EIF2A: variants seen among roughly 807,000 people sequenced by gnomAD.
The protein encoded by EIF2A is 65 kDa eukaryotic translation initiation factor 2A.
EIF2A carries 62 observed loss-of-function variants against 75.2 expected under a neutral mutation model. That is an observed-to-expected ratio of 0.82 (90% CI 0.67 to 1.02). The LOEUF is 1.02. Among genes scored for constraint, EIF2A ranks in the 50% least tolerant of loss-of-function variants. EIF2A has a pLI of 0.00. For missense variants in EIF2A, 611 were observed against 677.7 expected, an observed-to-expected ratio of 0.90 and a Z score of 1.09; for synonymous variants, 207 against 239.0, an observed-to-expected ratio of 0.87 and a Z score of 1.23.
chr3:150,552,135 C>T (rs62269100), intron 1 of EIF2A, among the ~76,000 whole-genome samples: 16,910 of 152,030 alleles, frequency 0.11, 1,221 homozygotes, highest in Non-Finnish European at 0.16. Context: ...GACAAAGTTT[C>T]GAGTTTTATT....
intron 1 of EIF2A, among the ~76,000 whole-genome samples, chr3:150,547,410 G>T (rs1249979367): frequency 6.6e-6 from 1 of 152,188 alleles, no homozygotes; most frequent in African/African-American, 2.4e-5. Flanking sequence ...ATTTTGAAAT[G>T]GTTATGAGCA....
chr3:150,549,785 C>T (rs1327624792), intron 1 of EIF2A, among the ~76,000 whole-genome samples: 4 of 152,300 alleles, frequency 2.6e-5, no homozygotes, highest in African/African-American at 9.6e-5. Flanking sequence ...AGAAGAGGAG[C>T]TGGTTGCTAG....
rs1281143368 is a variant in EIF2A at position 150,575,767 on chromosome 3, T to C, written c.1497+5T>C. The stretch of plus-strand genomic sequence containing the variant: ...GCTAAGAAAGCTGCAAAGCAGGTAT[T>C]TGGGGCACTAATCTCATAACAAAAC... On this transcript the variant is annotated splice_donor_5th_base_variant and intron_variant, in intron 11 of 13. Coordinates refer to ENST00000460851, the MANE Select transcript of EIF2A (RefSeq NM_032025.5). 2 of 1,604,402 alleles carry C rather than the reference T, an allele frequency of 1.2e-6. No individual in the cohort carries two copies. Among genetic ancestry groups the C allele is most frequent in the African/African-American group, 1.3e-5 (1 of 74,414 alleles).
intron 1 of EIF2A, among the ~76,000 whole-genome samples, chr3:150,549,316 G>T (rs6787881): frequency 0.81 from 122,200 of 151,470 alleles, 50,120 homozygotes; most frequent in East Asian, 0.91. Context: ...CCTCCCAAGT[G>T]CAAGCAATTC....
In EIF2A at chr3:150,562,657, A is replaced by G. The variant is rs758374760; in HGVS notation, c.289A>G (p.Thr97Ala). The part of the protein sequence containing the change: ...NTVLATWQPY[T>A]TSKDGTAGIP... ...TGTCCTGGCAACGTGGCAGCCTTAC[A>G]CTAGTAAGTATTTTCTCAGTGTAAA... The change falls in exon 4 of 14, where the codon ACT becomes GCT. Residue 97 changes from threonine (T) to alanine (A), a missense_variant. Transcript: ENST00000460851. 6.2e-7 allele frequency: 1 copy of G among 1,609,684 alleles called. No individual in the cohort carries two copies. Among genetic ancestry groups the G allele is most frequent in the Non-Finnish European group, 8.5e-7 (1 of 1,176,942 alleles).
chr3:150,549,123 A>ATT (rs11438548), intron 1 of EIF2A, among the ~76,000 whole-genome samples: 35 of 149,594 alleles, frequency 2.3e-4, no homozygotes, highest in Non-Finnish European at 1.0e-4. Flanking sequence ...TGAAAAAGGG[A>ATT]TTTTTTTTTT....
chr3:150,570,506 C>A, intron 9 of EIF2A, among the ~76,000 whole-genome samples: 1 of 146,320 alleles, frequency 6.8e-6, no homozygotes, highest in Admixed American at 7.0e-5. Context: ...TTTGAGGCTG[C>A]AGCAAGCTAA....
chr3:150,563,390 A>G, intron 4 of EIF2A, 125 bp from the exon 5 acceptor site: 1 of 702,666 alleles, frequency 1.4e-6, no homozygotes, highest in Non-Finnish European at 2.3e-6. Context: ...TTTTGGTAAC[A>G]CAGAGGCAAG....
At chr3:150,546,871 A>G (rs776389537) in intron 1 of EIF2A, 41 bp downstream of exon 1, 65 of 1,608,672 alleles carry the variant, frequency 4.0e-5, no homozygotes, top group Non-Finnish European at 5.3e-5. Flanking sequence ...TCTTCAGACT[A>G]GTTTCTTATT....
At chr3:150,583,498 T>C (rs577286401) in intron 13 of EIF2A, among the ~76,000 whole-genome samples, 2 of 152,332 alleles carry the variant, frequency 1.3e-5, no homozygotes, top group African/African-American at 2.4e-5. Context: ...AGGCATACTA[T>C]GTTATTACTG....
intron 11 of EIF2A, among the ~76,000 whole-genome samples, chr3:150,577,809 G>A (rs1340931643): frequency 6.6e-6 from 1 of 152,122 alleles, no homozygotes; most frequent in African/African-American, 2.4e-5. Context: ...GGCTGGTTAT[G>A]TGTTTTGGGA....
intron 9 of EIF2A, 73 bp downstream of exon 9, chr3:150,568,365 A>G: frequency 8.4e-7 from 1 of 1,183,876 alleles, no homozygotes; most frequent in Non-Finnish European, 1.2e-6. Flanking sequence ...AAGATGATAT[A>G]ATCTAAATTC....
chr3:150,574,770 T>A (rs900598066), intron 10 of EIF2A, among the ~76,000 whole-genome samples: 3 of 152,240 alleles, frequency 2.0e-5, no homozygotes, highest in Non-Finnish European at 4.4e-5. Flanking sequence ...ATAGAACTTA[T>A]AAGTAAAATG....
intron 11 of EIF2A, among the ~76,000 whole-genome samples, chr3:150,578,471 G>A (rs1378584344): frequency 1.3e-5 from 2 of 151,260 alleles, no homozygotes; most frequent in African/African-American, 4.8e-5. Context: ...TTATAAATGT[G>A]TAACTCTTTA....
At chr3:150,567,465 C>A in intron 6 of EIF2A, 1 of 432,826 alleles carries the variant, frequency 2.3e-6, no homozygotes, top group Non-Finnish European at 4.1e-6. Context: ...AATCCCATTA[C>A]TTGCCTAAGC....
Position 150,568,213 on chromosome 3 carries a change from C to G in EIF2A, c.732C>G (p.Asp244Glu). The change falls in exon 9 of 14, where the codon GAC (aspartate) becomes GAG (glutamate). Residue 244 changes from aspartate to glutamate, a missense_variant. By Grantham distance (45) the Asp-to-Glu change is conservative (BLOSUM62 2). Transcript: ENST00000460851. Reference protein sequence around the residue: ...AVLVIASTDVDKTGASYYGEQ... With the variant: ...AVLVIASTDVEKTGASYYGEQ... ...TGGTAATAGCTAGCACAGATGTTGACAAGACAGGAGCTTCCTACTATGGAG... is the reference window on the plus strand; with the variant it reads ...TGGTAATAGCTAGCACAGATGTTGAGAAGACAGGAGCTTCCTACTATGGAG... 6.2e-7 allele frequency: 1 copy of G among 1,613,602 alleles called. No homozygotes were observed. Among genetic ancestry groups the G allele is most frequent in the African/African-American group, 1.3e-5 (1 of 75,024 alleles).
At chr3:150,556,802 G>T (rs1405925645) in intron 2 of EIF2A, among the ~76,000 whole-genome samples, 1 of 152,174 alleles carries the variant, frequency 6.6e-6, no homozygotes, top group African/African-American at 2.4e-5. Context: ...TCTGGATTCT[G>T]TAGTTTAGTA....
chr3:150,548,214 C>A (rs931215075), intron 1 of EIF2A, among the ~76,000 whole-genome samples: 9 of 152,276 alleles, frequency 5.9e-5, no homozygotes, highest in Non-Finnish European at 1.2e-4. Flanking sequence ...CTAGTACTAT[C>A]CTATGCCTCT....
intron 11 of EIF2A, among the ~76,000 whole-genome samples, chr3:150,577,338 G>C (rs1724933293): frequency 6.6e-6 from 1 of 151,848 alleles, no homozygotes; most frequent in Admixed American, 6.6e-5. Flanking sequence ...AGGGTTTTTG[G>C]ATGTTTTGTT....
Sources: gnomAD v4.1 joint callset for allele counts (sites outside exome capture counted in the v4.1 genomes callset) on GRCh38, gnomAD v4.1.1 for gene constraint, MANE v1.5 for transcripts, NCBI Gene and HGNC (gene_info 2026-07-23, HGNC 2026-07-21) for gene names.